Variants in PIDD1 observed in about 807,000 individuals in gnomAD.
The protein encoded by PIDD1 is p53-induced death domain-containing protein 1.
PIDD1 carries 72 observed loss-of-function variants against 80.0 expected under a neutral mutation model. That is an observed-to-expected ratio of 0.90 (90% CI 0.74 to 1.09). The LOEUF (loss-of-function observed/expected upper bound fraction) is 1.09. Ranked by LOEUF, PIDD1 falls within the 50% of genes least tolerant of loss-of-function variation. The pLI, the probability that PIDD1 is intolerant of heterozygous loss-of-function variation, is 0.00. For missense variants in PIDD1, 1,329 were observed against 1,228.3 expected (o/e 1.08, Z -1.23); for synonymous variants, 655 against 543.5 (o/e 1.21, Z -2.85).
At chr11:799,792 C>CCAGCGGG in intron 15 of PIDD1, 23 bp downstream of exon 15, 1 of 1,519,624 alleles carries the variant, frequency 6.6e-7, no homozygotes, top group Non-Finnish European at 8.8e-7. Flanking sequence ...GGGCTGGCAG[C>CCAGCGGG]CAGCGGGCAG....
In PIDD1 at chr11:801,892, G is replaced by A; in HGVS notation, c.1302+73C>T. The A allele has an allele frequency of 7.0e-6, 11 of 1,560,812 alleles. No individual in the cohort carries two copies. The South Asian group carries it at 1.3e-4, about 18-fold the overall frequency. On this transcript the variant is annotated intron_variant, in intron 7 of 15. Coordinates refer to ENST00000347755, the MANE Select transcript of PIDD1 (RefSeq NM_145886.4). ...GGCAGGGTGGAAGGTGCCAGGGTGA[G>A]GCTCTGGGCAGAGGTGCACGGCTCA...
At chr11:800,051 C>CA (rs761842378) in intron 14 of PIDD1, 37 bp from the exon 15 acceptor site, 1 of 1,607,566 alleles carries the variant, frequency 6.2e-7, no homozygotes, top group Non-Finnish European at 8.5e-7. Context: ...CCCTGGGCTC[C>CA]ACCCCCAACT....
At chr11:807,945 T>G (rs1460488868), upstream of PIDD1, among the ~76,000 whole-genome samples, 2 of 152,268 alleles carry the variant, frequency 1.3e-5, no homozygotes, top group African/African-American at 4.8e-5. Flanking sequence ...GGTAGGTACT[T>G]GAAATCTGAA....
At chr11:805,242 C>T (rs1865705635), upstream of PIDD1, 4 of 982,572 alleles carry the variant, frequency 4.1e-6, no homozygotes, top group Non-Finnish European at 4.8e-6. Flanking sequence ...GGGATCCCGC[C>T]GGCGCGTTTC....
chr11:803,127 G>C, intron 3 of PIDD1, 47 bp downstream of exon 3: 1 of 1,387,642 alleles, frequency 7.2e-7, no homozygotes, highest in South Asian at 1.3e-5. Flanking sequence ...GCAGGCTTCA[G>C]GGACCCTCCC....
Position 800,562 on chromosome 11 carries a change from G to A in PIDD1, c.2022C>T (p.Arg674=), listed in dbSNP as rs147208238. 117 of 1,608,062 alleles carry A rather than the reference G, an allele frequency of 7.3e-5. No individual in the cohort carries two copies. Among genetic ancestry groups the A allele is most frequent in the African/African-American group, 5.1e-4 (38 of 74,764 alleles). ...CCCTACCAGCATCCACGTCGATGCCGCGCTCGAAGGCCGCAAAGAACTCTT... is the reference window on the plus strand; with the variant it reads ...CCCTACCAGCATCCACGTCGATGCCACGCTCGAAGGCCGCAAAGAACTCTT... ...EGEEFFAAFE[R]GIDVDADRPD... Residue 674 remains arginine, a synonymous_variant, in exon 12 of 16, where the codon CGC becomes CGT. Coordinates refer to ENST00000347755, the MANE Select transcript of PIDD1 (RefSeq NM_145886.4).
In PIDD1 at chr11:801,194, G is replaced by A. The variant is rs773484813; in HGVS notation, c.1630+24C>T. On this transcript the variant is annotated intron_variant, in intron 9 of 15. Coordinates refer to ENST00000347755, the MANE Select transcript of PIDD1 (RefSeq NM_145886.4). ...CTCCACCCTATGGCCACAGGTCCAG[G>A]TATGCCCCATGGCTGCCTCTCACCT... The A allele has an allele frequency of 4.5e-6, 7 of 1,546,976 alleles. No individual in the cohort carries two copies. In the East Asian group the frequency reaches 9.0e-5, roughly 20 times the overall value.
In PIDD1 at chr11:801,020, G is replaced by A. The variant is rs1027779344; in HGVS notation, c.1731C>T (p.His577=). The change falls in exon 10 of 16, where the codon CAC becomes CAT. Residue 577 remains histidine (H), a synonymous_variant. Coordinates refer to ENST00000347755, the MANE Select transcript of PIDD1 (RefSeq NM_145886.4). The stretch of plus-strand genomic sequence containing the variant: ...GTGTGACCTGGAAGCGTGCGTACAG[G>A]TGGGTGAGCTCCAGGACCACCTGAG... ...ITAQVVLELT[H]LYARFQVTHF... is the part of the protein sequence containing the mutation. 5.6e-6 allele frequency: 9 copies of A among 1,603,084 alleles called. No individual in the cohort carries two copies. In the African/African-American group the frequency reaches 1.2e-4, roughly 21 times the overall value.
upstream of PIDD1, among the ~76,000 whole-genome samples, chr11:807,898 GTATT>G (rs1369790707): frequency 1.3e-5 from 2 of 152,162 alleles, no homozygotes; most frequent in African/African-American, 4.8e-5. Flanking sequence ...AAACTACTCT[GTATT>G]TATATTAAAT....
In PIDD1 at chr11:800,457, G is replaced by T. The variant is rs187834193; in HGVS notation, c.2042-6C>A. On this transcript the variant is annotated splice_polypyrimidine_tract_variant and splice_region_variant and intron_variant, in intron 12 of 15. Transcript: ENST00000347755. ...CTCCACACAGTCAGGGCGGTCTAGGGGACAGGGGTGGGCTGAGCAAGGAGG... is the reference window on the plus strand; with the variant it reads ...CTCCACACAGTCAGGGCGGTCTAGGTGACAGGGGTGGGCTGAGCAAGGAGG... 5 of 1,612,108 alleles carry T rather than the reference G, an allele frequency of 3.1e-6. No homozygotes were observed. The South Asian group carries it at 5.5e-5, about 18-fold the overall frequency.
rs778515043 is a variant in PIDD1 at position 802,305 on chromosome 11, T to G, written c.1066A>C (p.Ile356Leu). Residue 356 changes from isoleucine to leucine, a missense_variant, in exon 6 of 16, where the codon ATC becomes CTC. Transcript: ENST00000347755. ...PAGATATPIT[I>L]RYRLLLPEPG... is the part of the protein sequence containing the mutation. Reference sequence around the variant, plus strand: ...TCCGGCAGCAGCAGCCGATAGCGGATGGTGATGGGGGTGGCGGTGGCTCCC... The same window carrying G: ...TCCGGCAGCAGCAGCCGATAGCGGAGGGTGATGGGGGTGGCGGTGGCTCCC... 6.2e-7 allele frequency: 1 copy of G among 1,612,132 alleles called. No individual in the cohort carries two copies.
rs1176983695 is a variant in PIDD1 at position 799,808 on chromosome 11, G to T, written c.2474+7C>A. On this transcript the variant is annotated splice_region_variant and intron_variant, in intron 15 of 15. Coordinates refer to ENST00000347755, the MANE Select transcript of PIDD1 (RefSeq NM_145886.4). ...GGCTGGCAGCCAGCGGGCAGTGGGA[G>T]CCTCACCGGAACTCGTGCCGGATGC... The T allele has an allele frequency of 6.4e-7, 1 of 1,555,874 alleles. No individual in the cohort carries two copies. Among genetic ancestry groups the T allele is most frequent in the South Asian group, 1.2e-5 (1 of 84,730 alleles).
In PIDD1 at chr11:800,971, T is replaced by TG. The variant is rs994832403; in HGVS notation, c.1766+13dup. On this transcript the variant is annotated intron_variant, in intron 10 of 15. Transcript: ENST00000347755. ...ACTGGGGGAGGGGGGCTGAGAAAGC[T>TG]GGGGGGCACTGACCAGGAGAAGTGT... The TG allele has an allele frequency of 1.4e-5, 22 of 1,538,858 alleles. No individual in the cohort carries two copies. The highest frequency in any genetic ancestry group is 2.0e-5 in the Non-Finnish European group (22 of 1,120,374).
Position 801,980 on chromosome 11 carries a change from C to T in PIDD1, c.1287G>A (p.Glu429=), listed in dbSNP as rs773978840. 98 of 1,603,046 alleles carry T rather than the reference C, an allele frequency of 6.1e-5. No individual in the cohort carries two copies. Among genetic ancestry groups the T allele is most frequent in the Admixed American group, 8.5e-5 (5 of 58,906 alleles). The stretch of plus-strand genomic sequence containing the variant: ...TGGCCCTCACCTGGGGTGCCTCTTC[C>T]TCCAGGTAGGTCTCCAGGTCACCCC... ...NSWGDLETYL[E]EEAPQRLWAH... is the part of the protein sequence containing the mutation. The change falls in exon 7 of 16, where the codon GAG becomes GAA. Residue 429 remains glutamate, a synonymous_variant. Transcript: ENST00000347755.
intron 7 of PIDD1, 61 bp from the exon 8 acceptor site, chr11:801,685 A>C: frequency 7.1e-7 from 1 of 1,398,700 alleles, no homozygotes; most frequent in Non-Finnish European, 9.9e-7. Flanking sequence ...AGTCAGGGAC[A>C]CAGGGAGCAG....
chr11:799,647 G>A (rs1441509403), intron 15 of PIDD1, 82 bp from the exon 16 acceptor site: 1 of 1,473,138 alleles, frequency 6.8e-7, no homozygotes, highest in Middle Eastern at 1.8e-4. Context: ...GAGTGTGGGG[G>A]AGTTCCCGGC....
chr11:802,439 C>T, intron 5 of PIDD1, 43 bp from the exon 6 acceptor site: 1 of 1,596,644 alleles, frequency 6.3e-7, no homozygotes, highest in African/African-American at 1.3e-5. Context: ...CCCAGAAGGG[C>T]CTACGTGTTG....
At chr11:799,761 G>T in intron 15 of PIDD1, 54 bp downstream of exon 15, 1 of 1,432,384 alleles carries the variant, frequency 7.0e-7, no homozygotes. Context: ...GGGCCCTCCA[G>T]GCAGCCAGGG....
At position 801,569 on chromosome 11, in the gene PIDD1, C is replaced by T. The variant is rs773303754; in HGVS notation, c.1358G>A (p.Arg453His). Residue 453 changes from arginine to histidine, a missense_variant, in exon 8 of 16, where the codon CGC (arginine) becomes CAC (histidine). Arg to His is a conservative substitution (Grantham distance 29, BLOSUM62 0). Transcript: ENST00000347755. ...PHFSWFLVVS[R>H]PVSNACLVPP... ...CACCAGGCAGGCATTGGACACAGGG[C>T]GGGAAACCACAAGGAACCAGGAGAA... 36 of 1,568,654 alleles carry T rather than the reference C, an allele frequency of 2.3e-5. No individual in the cohort carries two copies. The highest frequency in any genetic ancestry group is 2.7e-5 in the Non-Finnish European group (31 of 1,156,996).
Sources: gnomAD v4.1 joint callset for allele counts (sites outside exome capture counted in the v4.1 genomes callset) on GRCh38, gnomAD v4.1.1 for gene constraint, MANE v1.5 for transcripts, NCBI Gene and HGNC (gene_info 2026-07-23, HGNC 2026-07-21) for gene names.